CCNB3: variants seen among roughly 807,000 people sequenced by gnomAD.
CCNB3 encodes G2/mitotic-specific cyclin-B3.
In CCNB3, 12 loss-of-function variants were observed where a neutral mutation model predicts 68.0. The observed-to-expected ratio is 0.18, with a 90% CI of 0.11 to 0.29. The LOEUF (loss-of-function observed/expected upper bound fraction) is 0.29, where lower values mean the gene tolerates loss of function less well. Among genes scored for constraint, CCNB3 ranks in the 10% least tolerant of loss-of-function variants. The probability of loss-of-function intolerance (pLI) is 1.00; values close to 1 mark genes in which losing one functional copy is unlikely to be tolerated. For synonymous variants in CCNB3, 354 were observed against 388.9 expected, an observed-to-expected ratio of 0.91 and a Z score of 1.06; for missense variants, 904 against 993.1, an observed-to-expected ratio of 0.91 and a Z score of 1.21.
rs1166269477 is a variant in CCNB3, at chrX:50,311,473, C to G, written c.3304C>G (p.Gln1102Glu). 1 of 1,203,122 alleles carries G rather than the reference C, an allele frequency of 8.3e-7. No individual in the cohort carries two copies. Among genetic ancestry groups the G allele is most frequent in the African/African-American group, 1.8e-5 (1 of 56,832 alleles). ...TGCTTCTGATAAACCTGTCTCACCA[C>G]AGGCCAAGGGAACACCAAAGGAGGT... ...ESASDKPVSP[Q>E]AKGTPKEITP... is the part of the protein sequence containing the mutation. Residue 1102 changes from glutamine (Q) to glutamate (E), a missense_variant, in exon 6 of 13, where the codon CAG becomes GAG. Physicochemically the swap from Gln to Glu is conservative, Grantham distance 29. This residue lies in a region of CCNB3 where 285 missense variants were observed against 383.4 expected (regional missense o/e 0.74). Coordinates refer to ENST00000376042, the MANE Select transcript of CCNB3 (RefSeq NM_033031.3).
chrX:50,336,876 A>G (rs1346566328), intron 8 of CCNB3, among the ~76,000 whole-genome samples: 3 of 110,792 alleles, frequency 2.7e-5, no homozygotes, highest in Non-Finnish European at 5.7e-5. Context: ...AGCACCCTTC[A>G]CCTTTCATCT....
intron 1 of CCNB3, among the ~76,000 whole-genome samples, chrX:50,226,388 A>C (rs1449212770): frequency 1.6e-5 from 1 of 61,022 alleles, no homozygotes; most frequent in African/African-American, 7.4e-5. Context: ...ATATATATAT[A>C]GAATATATAT....
intron 12 of CCNB3, 69 bp downstream of exon 12, chrX:50,351,440 G>A (rs1923676015): frequency 2.6e-6 from 3 of 1,138,942 alleles, no homozygotes; most frequent in South Asian, 1.9e-5. Flanking sequence ...ATACTAGACC[G>A]AGACTAGCCT....
intron 8 of CCNB3, among the ~76,000 whole-genome samples, chrX:50,326,687 G>A (rs980571375): frequency 9.0e-6 from 1 of 110,991 alleles, no homozygotes. Context: ...CCAGAATGTC[G>A]TCTTTTCATA....
At chrX:50,314,371 A>G (rs1334558124) in intron 8 of CCNB3, among the ~76,000 whole-genome samples, 1 of 111,647 alleles carries the variant, frequency 9.0e-6, no homozygotes, top group Non-Finnish European at 1.9e-5. Context: ...CTGTTTGTCC[A>G]AGGTGAGATA....
At chrX:50,225,992 T>C (rs1448814103) in intron 1 of CCNB3, among the ~76,000 whole-genome samples, 8 of 93,466 alleles carry the variant, frequency 8.6e-5, no homozygotes, top group Non-Finnish European at 1.5e-4. Context: ...ATATAGAATG[T>C]ATATATAAAT....
chrX:50,344,877 T>A (rs1340117614), intron 9 of CCNB3, among the ~76,000 whole-genome samples: 3 of 111,566 alleles, frequency 2.7e-5, no homozygotes, highest in Non-Finnish European at 5.6e-5. Context: ...CTTGTTCAAC[T>A]TTCATTTTTC....
chrX:50,311,126 C>T lies in CCNB3; in HGVS notation c.2957C>T (p.Thr986Ile). 8.3e-7 allele frequency: 1 copy of T among 1,209,420 alleles called. No homozygotes were observed. Residue 986 changes from threonine to isoleucine, a missense_variant, in exon 6 of 13, where the codon ACC becomes ATC. By Grantham distance (89) the Thr-to-Ile change is moderately conservative (BLOSUM62 -1). Coordinates refer to ENST00000376042, the MANE Select transcript of CCNB3 (RefSeq NM_033031.3). ...NVSSTAPESITSKSSIATMTS... is the reference protein window; with the variant it reads ...NVSSTAPESIISKSSIATMTS... ...TCTAGCACTGCCCCTGAATCCATAA[C>T]CAGCAAGTCCAGCATTGCTACCATG...
At chrX:50,350,248 T>TACACACACACACACACACAC (rs35500925) in intron 11 of CCNB3, among the ~76,000 whole-genome samples, 27 of 95,236 alleles carry the variant, frequency 2.8e-4, no homozygotes, top group African/African-American at 1.0e-3. Context: ...CATACACAAA[T>TACACACACACACACACACAC]ACACACACAC....
intron 10 of CCNB3, 114 bp from the exon 11 acceptor site, chrX:50,347,512 A>G (rs782398917): frequency 3.0e-6 from 2 of 674,714 alleles, no homozygotes; most frequent in African/African-American, 4.4e-5. Context: ...AGAAAGGCAC[A>G]TTACTCAAAC....
intron 1 of CCNB3, among the ~76,000 whole-genome samples, chrX:50,209,161 G>T (rs1351163150): frequency 9.0e-6 from 1 of 111,412 alleles, no homozygotes; most frequent in African/African-American, 3.3e-5. Context: ...TATTTAACGT[G>T]TACAGTTTGA....
At chrX:50,345,439 C>T (rs1557220164) in intron 9 of CCNB3, among the ~76,000 whole-genome samples, 4 of 106,589 alleles carry the variant, frequency 3.8e-5, no homozygotes, top group African/African-American at 1.0e-4. Flanking sequence ...TTGCTCTCTC[C>T]TTTCCTCTCT....
chrX:50,293,230 T>C (rs1351291828), intron 4 of CCNB3, among the ~76,000 whole-genome samples: 1 of 111,663 alleles, frequency 9.0e-6, no homozygotes, highest in East Asian at 2.8e-4. Context: ...CCCTTATTTC[T>C]GACTGTGTCT....
chrX:50,228,663 T>C (rs1326798226), intron 1 of CCNB3, among the ~76,000 whole-genome samples: 13 of 80,532 alleles, frequency 1.6e-4, no homozygotes, highest in African/African-American at 6.8e-4. Flanking sequence ...ATATATAGAA[T>C]ATATATAGAA....
rs781837922 is a variant in CCNB3, at chrX:50,300,384, T to C, written c.335+5391T>C. Among the ~76,000 whole-genome samples the C allele has an allele frequency of 1.4e-4, 16 of 111,266 alleles. No homozygotes were observed. In the South Asian group the frequency reaches 3.9e-3, roughly 27 times the overall value. ...TCTGTAAAGGATTTTATTTCTCCTT[T>C]GCTTATGAAGCTTAGTTTGGGTGGA... On this transcript the variant is annotated intron_variant, in intron 5 of 12. Coordinates refer to ENST00000376042, the MANE Select transcript of CCNB3 (RefSeq NM_033031.3).
intron 7 of CCNB3, 35 bp downstream of exon 7, chrX:50,312,667 A>G (rs1921530191): frequency 1.0e-6 from 1 of 963,180 alleles, no homozygotes; most frequent in Non-Finnish European, 1.5e-6. Context: ...AATGATTTCT[A>G]GTTTTCATTT....
chrX:50,285,098 G>A, intron 2 of CCNB3, 29 bp from the exon 3 acceptor site: 1 of 790,731 alleles, frequency 1.3e-6, no homozygotes, highest in Admixed American at 2.3e-5. Context: ...TCTGGTGAAT[G>A]GTGTTAAAGA....
intron 2 of CCNB3, among the ~76,000 whole-genome samples, 178 bp downstream of exon 2, chrX:50,284,794 G>A (rs780753327): frequency 7.2e-5 from 8 of 111,424 alleles, no homozygotes; most frequent in Non-Finnish European, 1.3e-4. Flanking sequence ...GCCTAAACTA[G>A]GGGCTAGACA....
At chrX:50,224,194 TTGTC>T (rs1328088392) in intron 1 of CCNB3, among the ~76,000 whole-genome samples, 1 of 111,776 alleles carries the variant, frequency 8.9e-6, no homozygotes, top group Non-Finnish European at 1.9e-5. Flanking sequence ...CTTTTATAGT[TTGTC>T]TGGTATTTTC....
Sources: allele counts gnomAD v4.1 joint callset (sites outside exome capture counted in the v4.1 genomes callset), GRCh38; gene constraint gnomAD v4.1.1; regional missense constraint gnomAD v4.1.1; transcripts MANE v1.5; gene names NCBI Gene and HGNC (gene_info 2026-07-23, HGNC 2026-07-21).